The following PPARGC1A variants were observed in gnomAD, a reference collection of about 807,000 sequenced individuals.
PPARGC1A encodes the protein PPARG coactivator 1 alpha.
In PPARGC1A, 25 loss-of-function variants were observed where a neutral mutation model predicts 88.7. That is an observed-to-expected ratio of 0.28 (90% CI 0.21 to 0.39). The LOEUF is 0.39. Among genes scored for constraint, PPARGC1A ranks in the 10% least tolerant of loss-of-function variants. PPARGC1A has a pLI of 1.00. For missense variants in PPARGC1A, 880 were observed against 968.7 expected, an observed-to-expected ratio of 0.91 and a Z score of 1.22; for synonymous variants, 363 against 355.6, an observed-to-expected ratio of 1.02 and a Z score of -0.24.
At chr4:23,971,406 A>C in the PPARGC1A span, among the ~76,000 whole-genome samples, 1 of 152,186 alleles carries the variant, frequency 6.6e-6, no homozygotes, top group African/African-American at 2.4e-5. Context: ...CTCTAGAGGG[A>C]CACAACTAAT....
At chr4:24,245,987 G>A in the PPARGC1A span, among the ~76,000 whole-genome samples, 6 of 151,284 alleles carry the variant, frequency 4.0e-5, no homozygotes, top group Non-Finnish European at 5.9e-5. Context: ...TACTGTTGTT[G>A]TTTTGAAAGT....
At chr4:24,374,604 A>T in the PPARGC1A span, among the ~76,000 whole-genome samples, 1 of 152,238 alleles carries the variant, frequency 6.6e-6, no homozygotes, top group African/African-American at 2.4e-5. Flanking sequence ...CATTTCTCTA[A>T]ATGAGGTATA....
chr4:24,250,687 G>A, the PPARGC1A span, among the ~76,000 whole-genome samples: 1 of 152,168 alleles, frequency 6.6e-6, no homozygotes, highest in Non-Finnish European at 1.5e-5. Context: ...AATAGCACAG[G>A]TCTCAGGCTG....
chr4:24,354,589 G>A, the PPARGC1A span, among the ~76,000 whole-genome samples: 4 of 152,162 alleles, frequency 2.6e-5, no homozygotes, highest in African/African-American at 4.8e-5. Flanking sequence ...CACATATCAT[G>A]TAAAACCACC....
the PPARGC1A span, among the ~76,000 whole-genome samples, chr4:24,238,010 T>A: frequency 1.3e-5 from 2 of 152,158 alleles, no homozygotes; most frequent in African/African-American, 4.8e-5. Context: ...TCCACGTGGA[T>A]GAGGAAATCG....
chr4:24,245,419 G>A, the PPARGC1A span, among the ~76,000 whole-genome samples: 17 of 152,174 alleles, frequency 1.1e-4, no homozygotes, highest in African/African-American at 4.1e-4. Context: ...GACATTTCAA[G>A]CACAGTACAC....
chr4:24,180,577 C>T, the PPARGC1A span, among the ~76,000 whole-genome samples: 1 of 152,138 alleles, frequency 6.6e-6, no homozygotes, highest in East Asian at 1.9e-4. Context: ...CTTACTTTAG[C>T]AACACCCTGA....
the PPARGC1A span, among the ~76,000 whole-genome samples, chr4:24,463,698 T>G: frequency 6.6e-6 from 1 of 152,142 alleles, no homozygotes; most frequent in African/African-American, 2.4e-5. Flanking sequence ...AAAATCAGCT[T>G]CCTCAGTAGA....
chr4:24,083,997 G>A, the PPARGC1A span, among the ~76,000 whole-genome samples: 2 of 152,154 alleles, frequency 1.3e-5, no homozygotes, highest in South Asian at 2.1e-4. Flanking sequence ...CATTATCCAA[G>A]TTTGCCCATG....
At chr4:24,360,548 C>G in the PPARGC1A span, among the ~76,000 whole-genome samples, 3 of 152,264 alleles carry the variant, frequency 2.0e-5, no homozygotes, top group African/African-American at 7.2e-5. Flanking sequence ...AAAAAAGGAG[C>G]CCCATGACAG....
chr4:24,029,612 A>T, the PPARGC1A span, among the ~76,000 whole-genome samples: 1 of 152,190 alleles, frequency 6.6e-6, no homozygotes, highest in African/African-American at 2.4e-5. Context: ...TACCATGTGC[A>T]AACATCCAAC....
chr4:24,344,951 C>A, the PPARGC1A span, among the ~76,000 whole-genome samples: 2 of 152,076 alleles, frequency 1.3e-5, no homozygotes, highest in Non-Finnish European at 2.9e-5. Flanking sequence ...GGTAAGGATC[C>A]AGTTTCATTC....
chr4:24,088,689 T>G, the PPARGC1A span, among the ~76,000 whole-genome samples: 1 of 152,206 alleles, frequency 6.6e-6, no homozygotes, highest in Non-Finnish European at 1.5e-5. Context: ...TAAAAAACAT[T>G]TTATTAAAGT....
At chr4:24,382,908 A>G in the PPARGC1A span, among the ~76,000 whole-genome samples, 1 of 152,274 alleles carries the variant, frequency 6.6e-6, no homozygotes, top group South Asian at 2.1e-4. Flanking sequence ...CTGCCTCCTC[A>G]AGTGGGTCCC....
At chr4:24,265,143 A>C in the PPARGC1A span, among the ~76,000 whole-genome samples, 1 of 152,196 alleles carries the variant, frequency 6.6e-6, no homozygotes, top group Non-Finnish European at 1.5e-5. Flanking sequence ...GGTTTGTTAA[A>C]AGAACAAATA....
At chr4:24,230,588 G>A in the PPARGC1A span, among the ~76,000 whole-genome samples, 1 of 152,074 alleles carries the variant, frequency 6.6e-6, no homozygotes, top group African/African-American at 2.4e-5. Context: ...CCTGGGATAT[G>A]GTCTCTAATT....
At chr4:24,036,100 C>T in the PPARGC1A span, among the ~76,000 whole-genome samples, 2 of 152,104 alleles carry the variant, frequency 1.3e-5, no homozygotes, top group African/African-American at 2.4e-5. Context: ...TCAATTTCCT[C>T]GTCTGTGAAA....
the PPARGC1A span, among the ~76,000 whole-genome samples, chr4:23,939,923 G>C: frequency 1.3e-5 from 2 of 152,114 alleles, no homozygotes; most frequent in Non-Finnish European, 1.5e-5. Context: ...AGGAAAAAAG[G>C]TCACTCTCAT....
the PPARGC1A span, among the ~76,000 whole-genome samples, chr4:23,994,160 T>C: frequency 6.6e-6 from 1 of 152,262 alleles, no homozygotes; most frequent in South Asian, 2.1e-4. Context: ...TGTACTAATA[T>C]TCTGGACATT....
Sources: gnomAD v4.1 joint callset for allele counts (sites outside exome capture counted in the v4.1 genomes callset) on GRCh38, gnomAD v4.1.1 for gene constraint, MANE v1.5 for transcripts, NCBI Gene and HGNC (gene_info 2026-07-23, HGNC 2026-07-21) for gene names.